ASRGL1: variants seen among roughly 807,000 people sequenced by gnomAD.
The protein encoded by ASRGL1 is isoaspartyl peptidase/L-asparaginase.
Under a neutral mutation model 22.4 loss-of-function variants are expected in ASRGL1, and 16 were observed. The ratio of observed to expected loss-of-function variants is 0.71; its 90% CI spans 0.48 to 1.08. The LOEUF is 1.08. Ranked by LOEUF, ASRGL1 falls within the 50% of genes least tolerant of loss-of-function variation. The probability of loss-of-function intolerance (pLI) is 0.00; values close to 1 mark genes in which losing one functional copy is unlikely to be tolerated. For synonymous variants in ASRGL1, 165 were observed against 159.3 expected, an observed-to-expected ratio of 1.04 and a Z score of -0.27; for missense variants, 412 against 410.1, an observed-to-expected ratio of 1.00 and a Z score of -0.04.
intron 4 of ASRGL1, among the ~76,000 whole-genome samples, chr11:62,373,981 C>T (rs923682885): frequency 2.6e-5 from 4 of 152,308 alleles, no homozygotes; most frequent in Middle Eastern, 3.4e-3. Context: ...CCTTGTCACA[C>T]GCACTCGCCA....
chr11:62,380,194 C>T (rs1947029342), intron 4 of ASRGL1, among the ~76,000 whole-genome samples: 2 of 152,146 alleles, frequency 1.3e-5, no homozygotes, highest in Admixed American at 1.3e-4. Flanking sequence ...TCTGAGATTA[C>T]ATCTGATCCT....
At chr11:62,369,282 CT>C (rs1260942785) in intron 4 of ASRGL1, among the ~76,000 whole-genome samples, 1 of 152,090 alleles carries the variant, frequency 6.6e-6, no homozygotes, top group Non-Finnish European at 1.5e-5. Flanking sequence ...TCCATTAAAC[CT>C]TGAGTCAACA....
At chr11:62,363,019 CGCCATTCTCCTGCAT>C (rs1185064071) in intron 4 of ASRGL1, among the ~76,000 whole-genome samples, 3 of 136,882 alleles carry the variant, frequency 2.2e-5, no homozygotes, top group Admixed American at 1.7e-4. Context: ...CCAGGGTTCA[CGCCATTCTCCTGCAT>C]GCCATTCTCC....
chr11:62,356,577 T>G (rs79567854), intron 3 of ASRGL1, 110 bp downstream of exon 3: 2 of 1,311,244 alleles, frequency 1.5e-6, no homozygotes, highest in African/African-American at 1.5e-5. Flanking sequence ...CCTAAAAATA[T>G]ATACAAAACA....
chr11:62,394,377 T>G (rs1023269604), downstream of ASRGL1, among the ~76,000 whole-genome samples: 25 of 147,310 alleles, frequency 1.7e-4, no homozygotes, highest in Admixed American at 6.2e-4. Context: ...TAATATTAGA[T>G]TAAGGTCCAC....
Position 62,392,578 on chromosome 11 carries a change from A to G in ASRGL1, c.*294A>G. On this transcript the variant is annotated 3_prime_UTR_variant, in exon 7 of 7. Coordinates refer to ENST00000415229, the MANE Select transcript of ASRGL1 (RefSeq NM_001083926.2). ...AGCCAGGCCCTGTATCAAAAAAAAAAAAAAAAAGAAAAGGGAAAAAAGAAA... is the reference window on the plus strand; with the variant it reads ...AGCCAGGCCCTGTATCAAAAAAAAAGAAAAAAAGAAAAGGGAAAAAAGAAA... The G allele has an allele frequency of 2.4e-6, 1 of 415,084 alleles. No homozygotes were observed. Among genetic ancestry groups the G allele is most frequent in the Non-Finnish European group, 4.4e-6 (1 of 228,344 alleles). The allele number at this position is 415,084 out of a possible 1,614,324, so 25.7% of individuals were successfully genotyped here.
chr11:62,381,683 A>G (rs1439487769), intron 4 of ASRGL1: 1 of 152,124 alleles, frequency 6.6e-6, no homozygotes, highest in East Asian at 1.9e-4. Flanking sequence ...ACTGTTTGAA[A>G]TAGCGTGATT....
intron 4 of ASRGL1, among the ~76,000 whole-genome samples, chr11:62,364,970 G>A (rs905767269): frequency 6.6e-6 from 1 of 151,666 alleles, no homozygotes; most frequent in Non-Finnish European, 1.5e-5. Context: ...TTGGAAGGCT[G>A]AGGCAGTGGA....
chr11:62,381,375 A>C (rs150324408), intron 4 of ASRGL1, among the ~76,000 whole-genome samples: 30 of 152,202 alleles, frequency 2.0e-4, no homozygotes, highest in African/African-American at 7.0e-4. Context: ...GCCATTACAG[A>C]CTCTGCTACA....
At chr11:62,365,222 T>G (rs900809050) in intron 4 of ASRGL1, among the ~76,000 whole-genome samples, 1 of 152,162 alleles carries the variant, frequency 6.6e-6, no homozygotes, top group African/African-American at 2.4e-5. Flanking sequence ...ATATTAGGAC[T>G]ATAGCTAATA....
intron 4 of ASRGL1, among the ~76,000 whole-genome samples, chr11:62,370,678 C>A (rs1390572927): frequency 6.6e-6 from 1 of 152,136 alleles, no homozygotes; most frequent in African/African-American, 2.4e-5. Context: ...TTGTCCTGTG[C>A]AATTGTGGTA....
intron 4 of ASRGL1, among the ~76,000 whole-genome samples, chr11:62,385,096 G>A (rs1316471563): frequency 1.0e-4 from 15 of 150,654 alleles, no homozygotes; most frequent in Non-Finnish European, 2.1e-4. Flanking sequence ...CCTTGCAAAT[G>A]TTAGAGGTGG....
intron 4 of ASRGL1, among the ~76,000 whole-genome samples, chr11:62,361,643 A>G (rs1228054494): frequency 6.6e-6 from 1 of 151,970 alleles, no homozygotes; most frequent in Admixed American, 6.6e-5. Context: ...GCATGCCACC[A>G]TGCCCGGCTA....
intron 4 of ASRGL1, among the ~76,000 whole-genome samples, chr11:62,361,225 T>C (rs1946424622): frequency 6.6e-6 from 1 of 152,128 alleles, no homozygotes; most frequent in South Asian, 2.1e-4. Flanking sequence ...AAGGTCTTAC[T>C]TTGTCACCCA....
intron 4 of ASRGL1, among the ~76,000 whole-genome samples, chr11:62,362,693 T>TAATATATAA (rs1565162501): frequency 1.2e-5 from 1 of 80,020 alleles, no homozygotes; most frequent in Non-Finnish European, 2.2e-5. Flanking sequence ...AAAATATATA[T>TAATATATAA]TATATATTAT....
rs371350994 is a variant in ASRGL1 at position 62,338,077 on chromosome 11, G to A, written c.100G>A (p.Gly34Ser). Reference sequence around the variant, plus strand: ...GGGCATGGTCAGAGCCGCCACCGTGGGCTACGGCATCCTCCGGGAGGGCGG... The same window carrying A: ...GGGCATGGTCAGAGCCGCCACCGTGAGCTACGGCATCCTCCGGGAGGGCGG... ...HQGMVRAATV[G>S]YGILREGGSA... The change falls in exon 2 of 7, where the codon GGC (glycine) becomes AGC (serine). Residue 34 changes from glycine (G) to serine (S), a missense_variant. Transcript: ENST00000415229. 6.7e-5 allele frequency: 108 copies of A among 1,607,972 alleles called. 1 individual carries two copies. Among genetic ancestry groups the A allele is most frequent in the Non-Finnish European group, 8.7e-5 (102 of 1,177,738 alleles).
intron 5 of ASRGL1, 127 bp downstream of exon 5, chr11:62,389,378 A>T (rs1014937885): frequency 1.1e-6 from 1 of 946,980 alleles, no homozygotes; most frequent in East Asian, 2.5e-5. Context: ...CAGCTCCAGG[A>T]TGTCTGGGAG....
chr11:62,391,317 A>G (rs1302787497), intron 5 of ASRGL1, among the ~76,000 whole-genome samples: 1 of 152,172 alleles, frequency 6.6e-6, no homozygotes, highest in Admixed American at 6.5e-5. Context: ...TGCCCCTCTG[A>G]GGCTCCCTTT....
At position 62,347,102 on chromosome 11, in the gene ASRGL1, C is replaced by G. The variant is rs80059940; in HGVS notation, c.190+8935C>G. 9.7e-3 allele frequency among the ~76,000 whole-genome samples: 1,480 copies of G among 152,280 alleles called. 29 individuals carry two copies. The highest frequency in any genetic ancestry group is 0.031 in the African/African-American group (1,289 of 41,556). ...TTTAATGTAACTTCTGAGGAAGTCT[C>G]ATGTAACCTTTGAGCATGTACTAAC... is the stretch of plus-strand genomic sequence containing the variant. On this transcript the variant is annotated intron_variant, in intron 2 of 6. Transcript: ENST00000415229.
Sources: gnomAD v4.1 joint callset for allele counts (sites outside exome capture counted in the v4.1 genomes callset) on GRCh38, gnomAD v4.1.1 for gene constraint, MANE v1.5 for transcripts, NCBI Gene and HGNC (gene_info 2026-07-23, HGNC 2026-07-21) for gene names.